PKN3: variants seen among roughly 807,000 people sequenced by gnomAD.
PKN3 encodes the protein serine/threonine-protein kinase N3.
Under a neutral mutation model 113.1 loss-of-function variants are expected in PKN3, and 91 were observed. That is an observed-to-expected ratio of 0.80 (90% CI 0.68 to 0.96). PKN3 has a LOEUF of 0.96. PKN3 is among the 40% of genes least tolerant of loss of function. PKN3 has a pLI of 0.00. For synonymous variants in PKN3, 467 were observed against 499.0 expected, an observed-to-expected ratio of 0.94 and a Z score of 0.85; for missense variants, 1,052 against 1,202.2, an observed-to-expected ratio of 0.88 and a Z score of 1.85.
chr9:128,714,578 A>C lies in PKN3; in HGVS notation c.1498A>C (p.Lys500Gln). ...TCCCTACAGTAATTTCCTGCCCAAG[A>C]AGACCCCCTTGGGTGAAGAGATGAC... ...PATPSNFLPK[K>Q]TPLGEEMTPP... The change falls in exon 12 of 22, where the codon AAG becomes CAG. Residue 500 changes from lysine to glutamine, a missense_variant. Lys to Gln is a moderately conservative substitution (Grantham distance 53, BLOSUM62 1). This residue lies in a region of PKN3 where 719 missense variants were observed against 759.4 expected (regional missense o/e 0.95). Transcript: ENST00000291906. The C allele has an allele frequency of 1.6e-6, 2 of 1,251,480 alleles. No homozygotes were observed. The highest frequency in any genetic ancestry group is 1.2e-5 in the South Asian group (1 of 83,962). 77.5% of individuals were successfully genotyped at this position (1,251,480 alleles called of 1,614,324 possible).
chr9:128,705,658 G>A (rs993740045), intron 2 of PKN3, 76 bp from the exon 3 acceptor site: 2 of 1,540,240 alleles, frequency 1.3e-6, no homozygotes, highest in Non-Finnish European at 1.8e-6. Flanking sequence ...TAGATCAGTA[G>A]GGGAAGGAGG....
Position 128,716,918 on chromosome 9 carries a change from G to A in PKN3, c.1980G>A (p.Gln660=), listed in dbSNP as rs1007688598. 1.2e-6 allele frequency: 2 copies of A among 1,613,566 alleles called. No homozygotes were observed. The highest frequency in any genetic ancestry group is 1.1e-5 in the South Asian group (1 of 91,066). The change falls in exon 16 of 22, where the codon CAG becomes CAA. Residue 660 remains glutamine (Q), a synonymous_variant. Transcript: ENST00000291906. ...ACGAGGATGTCTTCCCCGAGCCCCA[G>A]GCCCGGTGGGTTCCATCCCTCCTGC... ...QIHEDVFPEP[Q]ARFYVACVVL... is the part of the protein sequence containing the mutation.
chr9:128,716,994 A>G (rs1345685943), intron 16 of PKN3, 71 bp downstream of exon 16: 31 of 1,317,278 alleles, frequency 2.4e-5, no homozygotes, highest in Middle Eastern at 3.9e-4. Context: ...CTCTCTACAT[A>G]CTGCTTTCTC....
intron 16 of PKN3, among the ~76,000 whole-genome samples, chr9:128,717,601 G>A (rs961544476): frequency 2.6e-5 from 4 of 151,424 alleles, no homozygotes; most frequent in South Asian, 2.1e-4. Flanking sequence ...GGTGGCACAC[G>A]CCTGTAATCC....
chr9:128,705,232 G>T, intron 1 of PKN3, 71 bp from the exon 2 acceptor site: 1 of 1,534,308 alleles, frequency 6.5e-7, no homozygotes, highest in South Asian at 1.2e-5. Context: ...CATCTGCAGT[G>T]AGCAAAGGCT....
Position 128,720,677 on chromosome 9 carries a change from C to T in PKN3, c.*71C>T. 7.3e-7 allele frequency: 1 copy of T among 1,372,150 alleles called. No individual in the cohort carries two copies. The highest frequency in any genetic ancestry group is 1.0e-6 in the Non-Finnish European group (1 of 989,544). 85.0% of individuals were successfully genotyped at this position (1,372,150 alleles called of 1,614,324 possible). On this transcript the variant is annotated 3_prime_UTR_variant, in exon 22 of 22. Coordinates refer to ENST00000291906, the MANE Select transcript of PKN3 (RefSeq NM_013355.5). The surrounding 1 kb of genome is among the most constrained non-coding windows in gnomAD (Gnocchi z 5.5). ...AGCCTCTGCTCGTTCACCCGTGCGC[C>T]CTGCCTGGAGGTCCAGGCCTTGCTG...
Position 128,702,866 on chromosome 9 carries a change from CCGGGACCGGA to C in PKN3, c.-49_-40del, listed in dbSNP as rs1861893604. 7.2e-7 allele frequency: 1 copy of C among 1,392,528 alleles called. No individual in the cohort carries two copies. Among genetic ancestry groups the C allele is most frequent in the Non-Finnish European group, 9.7e-7 (1 of 1,030,042 alleles). The allele number at this position is 1,392,528 out of a possible 1,614,324, so 86.3% of individuals were successfully genotyped here. A position where few individuals can be genotyped will look rare whatever the true frequency, so the allele number is the denominator to read the frequency against. ...AGTCCTGGCGGAGGGTCTGCGGCTT[CCGGGACCGGA>C]GTGGCTGAGAGAAGGGCCCCAAGCG... is the stretch of plus-strand genomic sequence containing the variant. On this transcript the variant is annotated 5_prime_UTR_variant, in exon 1 of 22. Coordinates refer to ENST00000291906, the MANE Select transcript of PKN3 (RefSeq NM_013355.5).
chr9:128,705,249 G>A, intron 1 of PKN3, 54 bp from the exon 2 acceptor site: 1 of 1,542,520 alleles, frequency 6.5e-7, no homozygotes, highest in South Asian at 1.2e-5. Context: ...GGCTGCTGGT[G>A]GCCGCTGCAC....
At chr9:128,717,700 C>A (rs1371809104) in intron 16 of PKN3, among the ~76,000 whole-genome samples, 1 of 136,126 alleles carries the variant, frequency 7.3e-6, no homozygotes, top group East Asian at 2.2e-4. Context: ...TTCGGTCTGG[C>A]GACAGAGTGA....
chr9:128,709,384 G>T lies in PKN3; in HGVS notation c.835+1979G>T, dbSNP rs145198887. ...GAGGTGGGAGGATTGCTTGAGCCCAGGGAGGTTGAGGGTACAATGAGCCAT... is the reference window on the plus strand; with the variant it reads ...GAGGTGGGAGGATTGCTTGAGCCCATGGAGGTTGAGGGTACAATGAGCCAT... On this transcript the variant is annotated intron_variant, in intron 6 of 21. Coordinates refer to ENST00000291906, the MANE Select transcript of PKN3 (RefSeq NM_013355.5). Among the ~76,000 whole-genome samples, 847 of 151,812 alleles carry T rather than the reference G, an allele frequency of 5.6e-3. 11 individuals carry two copies. The highest frequency in any genetic ancestry group is 0.019 in the African/African-American group (801 of 41,414).
intron 1 of PKN3, 60 bp from the exon 2 acceptor site, chr9:128,705,243 G>A: frequency 3.2e-6 from 5 of 1,541,764 alleles, no homozygotes; most frequent in Non-Finnish European, 2.6e-6. Flanking sequence ...AGCAAAGGCT[G>A]CTGGTGGCCG....
rs1862290926 is a variant in PKN3 at position 128,714,805 on chromosome 9, A to G, written c.1592A>G (p.Lys531Arg). ...EPTSEETPRT[K>R]RPHMEPRTRR... The stretch of plus-strand genomic sequence containing the variant: ...GCTCCTCTATACTCACAGCGCACCA[A>G]ACGTCCCCATATGGAGCCTAGGACT... The change falls in exon 13 of 22, where the codon AAA (lysine) becomes AGA (arginine). Residue 531 changes from lysine (K) to arginine (R), a missense_variant. By Grantham distance (26) the Lys-to-Arg change is conservative. Coordinates refer to ENST00000291906, the MANE Select transcript of PKN3 (RefSeq NM_013355.5). 4.3e-6 allele frequency: 7 copies of G among 1,613,740 alleles called. No homozygotes were observed. Among genetic ancestry groups the G allele is most frequent in the Non-Finnish European group, 5.9e-6 (7 of 1,179,830 alleles).
At chr9:128,705,127 G>C (rs573373912) in intron 1 of PKN3, among the ~76,000 whole-genome samples, 176 bp from the exon 2 acceptor site, 4 of 152,294 alleles carry the variant, frequency 2.6e-5, no homozygotes, top group Non-Finnish European at 5.9e-5. Context: ...AGTGGCCTCG[G>C]AGTTTCCATC....
rs140705606 is a variant in PKN3 at position 128,710,364 on chromosome 9, G to C, written c.836-2688G>C. Among the ~76,000 whole-genome samples the C allele has an allele frequency of 3.9e-3, 592 of 152,188 alleles. 2 individuals carry two copies. The highest frequency in any genetic ancestry group is 0.013 in the African/African-American group (524 of 41,528). On this transcript the variant is annotated intron_variant, in intron 6 of 21. Transcript: ENST00000291906. ...GATACAGTGAGAGCTGGAAAGGCCAGTGCCTGTCTCCACAGAGCACTGCTA... is the reference window on the plus strand; with the variant it reads ...GATACAGTGAGAGCTGGAAAGGCCACTGCCTGTCTCCACAGAGCACTGCTA...
At chr9:128,719,086 C>T (rs769697417) in intron 18 of PKN3, among the ~76,000 whole-genome samples, 6 of 151,244 alleles carry the variant, frequency 4.0e-5, no homozygotes, top group Admixed American at 2.0e-4. Context: ...TTAGTAGAGA[C>T]GGGGTTTCAC....
Position 128,714,319 on chromosome 9 carries a change from CG to C in PKN3, c.1437del (p.Thr480ProfsTer28). ...STISPPKGCP[R>X]TPTTLREASD... is the part of the protein sequence containing the mutation. Reference sequence around the variant, plus strand: ...AATCAGCCCCCCTAAAGGATGCCCTCGGACCCCAACAACACTGCGAGAGGCC... The same window carrying C: ...AATCAGCCCCCCTAAAGGATGCCCTCGACCCCAACAACACTGCGAGAGGCC... On this transcript the variant is annotated frameshift_variant, in exon 11 of 22. Transcript: ENST00000291906. LOFTEE classifies it high-confidence loss of function. 1 of 1,611,278 alleles carries C rather than the reference CG, an allele frequency of 6.2e-7. No individual in the cohort carries two copies.
rs1426450563 is a variant in PKN3, at chr9:128,720,671, G to A, written c.*65G>A. On this transcript the variant is annotated 3_prime_UTR_variant, in exon 22 of 22. Coordinates refer to ENST00000291906, the MANE Select transcript of PKN3 (RefSeq NM_013355.5). The surrounding 1 kb of genome is among the most constrained non-coding windows in gnomAD (Gnocchi z 5.5). ...TGTTAGAGCCTCTGCTCGTTCACCC[G>A]TGCGCCCTGCCTGGAGGTCCAGGCC... is the stretch of plus-strand genomic sequence containing the variant. The A allele has an allele frequency of 9.9e-6, 14 of 1,413,220 alleles. No homozygotes were observed. The highest frequency in any genetic ancestry group is 4.2e-5 in the African/African-American group (3 of 70,712). The allele number at this position is 1,413,220 out of a possible 1,614,324, so 87.5% of individuals were successfully genotyped here.
intron 10 of PKN3, 24 bp from the exon 11 acceptor site, chr9:128,714,173 A>T: frequency 6.2e-7 from 1 of 1,613,954 alleles, no homozygotes. Context: ...GGGTCCCGGG[A>T]CTAAGCTCCC....
In PKN3 at chr9:128,713,486, C is replaced by T. The variant is rs535577275; in HGVS notation, c.1093-13C>T. 4 of 1,613,946 alleles carry T rather than the reference C, an allele frequency of 2.5e-6. No homozygotes were observed. The highest frequency in any genetic ancestry group is 1.3e-5 in the African/African-American group (1 of 75,054). On this transcript the variant is annotated splice_polypyrimidine_tract_variant and intron_variant, in intron 8 of 21. Transcript: ENST00000291906. ...TCTGCACCCCACCCTTCAGCCTGGC[C>T]TCCCCAATACAGGCCCGTGAGCTGG...
Sources: gnomAD v4.1 joint callset for allele counts (sites outside exome capture counted in the v4.1 genomes callset) on GRCh38, gnomAD v4.1.1 for gene constraint, gnomAD v4.1.1 regional missense constraint, Gnocchi (gnomAD v3.1) non-coding constraint, MANE v1.5 for transcripts, NCBI Gene and HGNC (gene_info 2026-07-23, HGNC 2026-07-21) for gene names.